Variants in TSPOAP1 observed in about 807,000 individuals in gnomAD.
TSPOAP1 encodes the protein TSPO associated protein 1.
In TSPOAP1, 87 loss-of-function variants were observed where a neutral mutation model predicts 197.0. That is an observed-to-expected ratio of 0.44 (90% CI 0.37 to 0.53). The LOEUF (loss-of-function observed/expected upper bound fraction) is 0.53. TSPOAP1 is among the 20% of genes least tolerant of loss of function. TSPOAP1 has a pLI of 0.00. For synonymous variants in TSPOAP1, 913 were observed against 998.9 expected (o/e 0.91, Z 1.62); for missense variants, 2,174 against 2,411.3 (o/e 0.90, Z 2.06).
chr17:58,308,851 CG>C lies in TSPOAP1; in HGVS notation c.4420del (p.Arg1474GlyfsTer60). On this transcript the variant is annotated frameshift_variant, in exon 22 of 32. Coordinates refer to ENST00000343736, the MANE Select transcript of TSPOAP1 (RefSeq NM_004758.4). LOFTEE classifies it high-confidence loss of function. Reference sequence around the variant, plus strand: ...CAGCGCCCGGCCACGGGAGCACCTCCGGGAAGGGCCCAGCCGGCCTCTCCCG... The same window carrying C: ...CAGCGCCCGGCCACGGGAGCACCTCCGGAAGGGCCCAGCCGGCCTCTCCCG... ...ASGRGRLGPSRRCSRGRALEP... is the reference protein window; with the variant it reads ...ASGRGRLGPSXRCSRGRALEP... 1 of 1,609,514 alleles carries C rather than the reference CG, an allele frequency of 6.2e-7. No homozygotes were observed. The highest frequency in any genetic ancestry group is 8.5e-7 in the Non-Finnish European group (1 of 1,177,748).
rs527271079 is a variant in TSPOAP1 at position 58,301,961 on chromosome 17, C to T, written c.*519G>A. On this transcript the variant is annotated 3_prime_UTR_variant, in exon 32 of 32. Coordinates refer to ENST00000343736, the MANE Select transcript of TSPOAP1 (RefSeq NM_004758.4). ...CGCAGCACTGTGGGACACTAGTAGA[C>T]GAGGTGGGTGGACCAGGACGCGAGG... 34 of 240,068 alleles carry T rather than the reference C, an allele frequency of 1.4e-4. No individual in the cohort carries two copies. The highest frequency in any genetic ancestry group is 6.0e-4 in the South Asian group (14 of 23,396). The allele number at this position is 240,068 out of a possible 1,614,324, so 14.9% of individuals were successfully genotyped here.
intron 15 of TSPOAP1, 130 bp downstream of exon 15, chr17:58,316,295 G>T: frequency 1.8e-6 from 2 of 1,088,476 alleles, no homozygotes; most frequent in Non-Finnish European, 1.4e-6. Context: ...GCCCAACTAG[G>T]TTATTAGAAT....
intron 7 of TSPOAP1, 69 bp from the exon 8 acceptor site, chr17:58,323,108 C>T: frequency 1.3e-6 from 2 of 1,536,090 alleles, no homozygotes; most frequent in Non-Finnish European, 1.8e-6. Context: ...ACACAGAGGA[C>T]CCTGCCCTCC....
rs553952398 is a variant in TSPOAP1, at chr17:58,326,385, G to T, written c.478C>A (p.Arg160=). 1 of 1,613,756 alleles carries T rather than the reference G, an allele frequency of 6.2e-7. No individual in the cohort carries two copies. Among genetic ancestry groups the T allele is most frequent in the East Asian group, 2.2e-5 (1 of 44,896 alleles). The change falls in exon 3 of 32, where the codon CGG becomes AGG. Residue 160 remains arginine (R), a synonymous_variant. Transcript: ENST00000343736. This position sits in a 1 kb window ranked among gnomAD's most constrained non-coding sequence, Gnocchi z 4.7. ...TCGGCGTTCTTCCTCTTCAGCCTCC[G>T]CACCTTCTCTTCTGTCTCAGGGAAG... is the stretch of plus-strand genomic sequence containing the variant. ...SSFPETEEKV[R]RLKRKNAELA...
At chr17:58,325,799 G>A (rs1461875422) in intron 3 of TSPOAP1, 86 bp from the exon 4 acceptor site, 1 of 1,437,122 alleles carries the variant, frequency 7.0e-7, no homozygotes, top group East Asian at 2.3e-5. Context: ...GGAGGAGTTA[G>A]CATGAAAACC....
At chr17:58,323,148 A>T in intron 7 of TSPOAP1, 109 bp from the exon 8 acceptor site, 1 of 1,464,548 alleles carries the variant, frequency 6.8e-7, no homozygotes, top group Non-Finnish European at 9.5e-7. Context: ...CCCCTGCTGG[A>T]ACCTGCACCA....
Position 58,304,395 on chromosome 17 carries a change from G to T in TSPOAP1, c.5549C>A (p.Thr1850Lys), listed in dbSNP as rs201347578. The T allele has an allele frequency of 1.2e-6, 2 of 1,613,130 alleles. No individual in the cohort carries two copies. The highest frequency in any genetic ancestry group is 1.7e-6 in the Non-Finnish European group (2 of 1,179,286). ...CTAGCACTGGACTCTTCTCCTCCTCGTTCTCTGAGGACAGGGAACAAAGAG... is the reference window on the plus strand; with the variant it reads ...CTAGCACTGGACTCTTCTCCTCCTCTTTCTCTGAGGACAGGGAACAAAGAG... ...PRTPQAESQR[T>K]RRRRVQC Residue 1850 changes from threonine to lysine, a missense_variant, in exon 31 of 32, where the codon ACG (threonine) becomes AAG (lysine). By Grantham distance (78) the Thr-to-Lys change is moderately conservative (BLOSUM62 -1). This residue lies in a region of TSPOAP1 where 60 missense variants were observed against 56.2 expected (regional missense o/e 1.07). Coordinates refer to ENST00000343736, the MANE Select transcript of TSPOAP1 (RefSeq NM_004758.4). This position sits in a 1 kb window ranked among gnomAD's most constrained non-coding sequence, Gnocchi z 4.2.
rs150730823 is a variant in TSPOAP1 at position 58,319,448 on chromosome 17, C to T, written c.1495-154G>A. Among the ~76,000 whole-genome samples the T allele has an allele frequency of 3.4e-3, 512 of 152,318 alleles. 2 individuals are homozygous for T. Among genetic ancestry groups the T allele is most frequent in the African/African-American group, 0.011 (478 of 41,568 alleles). On this transcript the variant is annotated intron_variant, in intron 12 of 31. Transcript: ENST00000343736. ...AGCCTTGCCTTGGCCACCCCACTGTCCTTAATGCATCAGAGCGGAGGGTGA... is the reference window on the plus strand; with the variant it reads ...AGCCTTGCCTTGGCCACCCCACTGTTCTTAATGCATCAGAGCGGAGGGTGA...
rs779263964 is a variant in TSPOAP1, at chr17:58,305,414, C to A, written c.5406G>T (p.Gly1802=). ...FRAGDVITVF[G]GMDDDGFYYG... ...AGTAGAAACCGTCATCGTCCATGCC[C>A]CCAAACACAGTAATGACATCCCCTG... Residue 1802 remains glycine, a synonymous_variant, in exon 29 of 32, where the codon GGG becomes GGT. Transcript: ENST00000343736. 6.2e-7 allele frequency: 1 copy of A among 1,614,026 alleles called. No homozygotes were observed. Among genetic ancestry groups the A allele is most frequent in the Non-Finnish European group, 8.5e-7 (1 of 1,179,974 alleles).
chr17:58,322,582 GA>G lies in TSPOAP1; in HGVS notation c.1317+71del. 6.3e-7 allele frequency: 1 copy of G among 1,588,566 alleles called. No individual in the cohort carries two copies. The highest frequency in any genetic ancestry group is 8.5e-7 in the Non-Finnish European group (1 of 1,170,678). On this transcript the variant is annotated intron_variant, in intron 9 of 31. Coordinates refer to ENST00000343736, the MANE Select transcript of TSPOAP1 (RefSeq NM_004758.4). The surrounding 1 kb of genome is among the most constrained non-coding windows in gnomAD (Gnocchi z 5.0). ...CCTCAGAGCTAGTGCCCCTCACTAA[GA>G]ATATTCTGCTGTCCCACTTGCTCCC...
rs754517504 is a variant in TSPOAP1 at position 58,328,117 on chromosome 17, C to T, written c.-197G>A. The T allele has an allele frequency of 1.0e-4, 60 of 598,768 alleles. No homozygotes were observed. The Middle Eastern group carries it at 1.4e-3, about 13-fold the overall frequency. The allele number at this position is 598,768 out of a possible 1,614,324, so 37.1% of individuals were successfully genotyped here. A position where few individuals can be genotyped will look rare whatever the true frequency, so the allele number is the denominator to read the frequency against. Reference sequence around the variant, plus strand: ...GCGCCAGGGCTGCTGGAGCTGGAGCCAGGGGTATGTGAGCTATGTTTGCTG... The same window carrying T: ...GCGCCAGGGCTGCTGGAGCTGGAGCTAGGGGTATGTGAGCTATGTTTGCTG... On this transcript the variant is annotated 5_prime_UTR_variant, in exon 1 of 32. Transcript: ENST00000343736. This position sits in a 1 kb window ranked among gnomAD's most constrained non-coding sequence, Gnocchi z 4.3.
chr17:58,315,834 G>T (rs1393435392), intron 16 of TSPOAP1, among the ~76,000 whole-genome samples, 189 bp downstream of exon 16: 1 of 152,042 alleles, frequency 6.6e-6, no homozygotes, highest in Non-Finnish European at 1.5e-5. Context: ...CTAGGTCTCT[G>T]TATGCCTTTT....
intron 14 of TSPOAP1, among the ~76,000 whole-genome samples, chr17:58,317,463 G>T (rs1425695050): frequency 6.6e-6 from 1 of 152,202 alleles, no homozygotes; most frequent in Non-Finnish European, 1.5e-5. Context: ...GTAGCCTGGG[G>T]AACAGGCTGT....
rs1435970818 is a variant in TSPOAP1 at position 58,326,098 on chromosome 17, C to A, written c.570+195G>T. 9.2e-5 allele frequency among the ~76,000 whole-genome samples: 14 copies of A among 152,200 alleles called. No individual in the cohort carries two copies. On this transcript the variant is annotated intron_variant, in intron 3 of 31. Transcript: ENST00000343736. This position sits in a 1 kb window ranked among gnomAD's most constrained non-coding sequence, Gnocchi z 4.7. ...CTCCCCATCCAGCTCTTCTCTGCCC[C>A]CTGCAGCTCCAGAAACCTTTGGCCT...
chr17:58,307,824 G>A lies in TSPOAP1; in HGVS notation c.4831+18C>T, dbSNP rs183491340. On this transcript the variant is annotated intron_variant, in intron 23 of 31. Transcript: ENST00000343736. ...CTCTGGCCGAGCAGCTCTAGCTCCA[G>A]CCCCATCAGGTGCTCACCTAGCTCT... 3.3e-5 allele frequency: 54 copies of A among 1,613,846 alleles called. No homozygotes were observed. The Admixed American group carries it at 8.8e-4, about 26-fold the overall frequency.
chr17:58,307,563 G>A, intron 24 of TSPOAP1, 48 bp downstream of exon 24: 1 of 1,595,148 alleles, frequency 6.3e-7, no homozygotes, highest in East Asian at 2.3e-5. Flanking sequence ...GAGGAGGGAA[G>A]ACCCAGCTGG....
chr17:58,320,482 G>T, intron 11 of TSPOAP1, 49 bp downstream of exon 11: 1 of 1,475,774 alleles, frequency 6.8e-7, no homozygotes. Flanking sequence ...GAGGACCCCC[G>T]CCTTCCTCCC....
In TSPOAP1 at chr17:58,309,163, T is replaced by C. The variant is rs1181556379; in HGVS notation, c.4109A>G (p.Asp1370Gly). The C allele has an allele frequency of 6.2e-7, 1 of 1,613,888 alleles. No individual in the cohort carries two copies. Among genetic ancestry groups the C allele is most frequent in the Non-Finnish European group, 8.5e-7 (1 of 1,179,994 alleles). ...GCCAGGTCTTCGGGGCTGACCACTGTCACAGCCCAGCCCCAGCAATGCAGG... is the reference window on the plus strand; with the variant it reads ...GCCAGGTCTTCGGGGCTGACCACTGCCACAGCCCAGCCCCAGCAATGCAGG... ...PEPALLGLGC[D>G]SGQPRRPGQC... Residue 1370 changes from aspartate (D) to glycine (G), a missense_variant, in exon 22 of 32, where the codon GAC becomes GGC. Physicochemically the swap from Asp to Gly is moderately conservative, Grantham distance 94. This residue lies in a region of TSPOAP1 where 1,933 missense variants were observed against 2,139.0 expected (regional missense o/e 0.90). Transcript: ENST00000343736. This position sits in a 1 kb window ranked among gnomAD's most constrained non-coding sequence, Gnocchi z 5.0.
chr17:58,312,804 T>G, intron 16 of TSPOAP1, 82 bp from the exon 17 acceptor site: 5 of 1,015,426 alleles, frequency 4.9e-6, no homozygotes, highest in Non-Finnish European at 7.1e-6. Flanking sequence ...AAATGCATTT[T>G]AGCAACTGCT....
Sources: allele counts gnomAD v4.1 joint callset (sites outside exome capture counted in the v4.1 genomes callset), GRCh38; gene constraint gnomAD v4.1.1; regional missense constraint gnomAD v4.1.1; non-coding constraint Gnocchi (gnomAD v3.1); transcripts MANE v1.5; gene names NCBI Gene and HGNC (gene_info 2026-07-23, HGNC 2026-07-21).